The following SUSD4 variants were observed in gnomAD, a reference collection of about 807,000 sequenced individuals.
The protein encoded by SUSD4 is sushi domain containing 4.
In SUSD4, 41 loss-of-function variants were observed where a neutral mutation model predicts 50.5. The observed-to-expected ratio is 0.81, with a 90% CI of 0.63 to 1.05. SUSD4 has a LOEUF of 1.05. SUSD4 is among the 50% of genes least tolerant of loss of function. The pLI is 0.00. For synonymous variants in SUSD4, 257 were observed against 257.3 expected (o/e 1.00, Z 0.01); for missense variants, 580 against 634.7 (o/e 0.91, Z 0.93).
At chr1:223,298,113 G>T (rs538259373) in intron 2 of SUSD4, among the ~76,000 whole-genome samples, 1 of 151,700 alleles carries the variant, frequency 6.6e-6, no homozygotes, top group Non-Finnish European at 1.5e-5. Context: ...TGGATGCATC[G>T]CTAGATGGAT....
intron 2 of SUSD4, among the ~76,000 whole-genome samples, chr1:223,354,763 T>G (rs1247482929): frequency 6.6e-6 from 1 of 152,182 alleles, no homozygotes; most frequent in Non-Finnish European, 1.5e-5. Context: ...ACCTATTAAA[T>G]TTTTACAAAA....
rs377230158 is a variant in SUSD4, at chr1:223,295,035, G to A, written c.149-2384C>T. 2.0e-5 allele frequency among the ~76,000 whole-genome samples: 3 copies of A among 152,212 alleles called. No homozygotes were observed. The East Asian group carries it at 5.8e-4, about 29-fold the overall frequency. ...TGAAACATATATTTATGAATATCAT[G>A]AATATTGAAACATATATTCACGATG... On this transcript the variant is annotated intron_variant, in intron 2 of 8. Transcript: ENST00000366878.
At chr1:223,245,752 G>A (rs1165568080) in intron 5 of SUSD4, among the ~76,000 whole-genome samples, 1 of 152,232 alleles carries the variant, frequency 6.6e-6, no homozygotes, top group Admixed American at 6.5e-5. Flanking sequence ...CCTGGACCAG[G>A]ACAGTGGCAG....
intron 2 of SUSD4, among the ~76,000 whole-genome samples, chr1:223,353,304 C>T (rs902661353): frequency 2.6e-5 from 4 of 152,192 alleles, no homozygotes; most frequent in African/African-American, 2.4e-5. Flanking sequence ...ATCCCTTACC[C>T]TCCCTTTGTA....
At chr1:223,337,746 C>G (rs1667538553) in intron 2 of SUSD4, among the ~76,000 whole-genome samples, 1 of 152,184 alleles carries the variant, frequency 6.6e-6, no homozygotes, top group South Asian at 2.1e-4. Flanking sequence ...CAGAGCCATC[C>G]CTCAGGGTGG....
At chr1:223,364,262 A>C (rs1476079813), upstream of SUSD4, 28 of 147,132 alleles carry the variant, frequency 1.9e-4, 1 homozygote, top group Non-Finnish European at 9.0e-5. This position sits in a 1 kb window ranked among gnomAD's most constrained non-coding sequence, Gnocchi z 4.5. Context: ...GGAGGACGGG[A>C]GCCCGGCCGC....
intron 3 of SUSD4, among the ~76,000 whole-genome samples, chr1:223,269,422 T>C (rs1440099809): frequency 6.6e-6 from 1 of 151,964 alleles, no homozygotes; most frequent in Admixed American, 6.6e-5. Context: ...GATAAGAAGA[T>C]CAAATAAAAT....
intron 3 of SUSD4, among the ~76,000 whole-genome samples, chr1:223,288,296 C>T (rs1205626309): frequency 6.6e-6 from 1 of 152,160 alleles, no homozygotes; most frequent in Admixed American, 6.6e-5. Flanking sequence ...ACCATGTATG[C>T]CGTACTTTGC....
At chr1:223,223,657 A>G in intron 7 of SUSD4, 26 bp from the exon 8 acceptor site, 4 of 1,569,338 alleles carry the variant, frequency 2.5e-6, no homozygotes, top group Non-Finnish European at 3.5e-6. Context: ...AAGTGCCAAC[A>G]TGTGAGAGCC....
rs548626241 is a variant in SUSD4 at position 223,280,218 on chromosome 1, T to C, written c.362-11543A>G. Among the ~76,000 whole-genome samples, 7 of 152,174 alleles carry C rather than the reference T, an allele frequency of 4.6e-5. No homozygotes were observed. In the South Asian group the frequency reaches 1.5e-3, roughly 32 times the overall value. The stretch of plus-strand genomic sequence containing the variant: ...ACCAGCTAACATCATAATGACAGGA[T>C]CAAATTCACACATAACAATATTAAC... On this transcript the variant is annotated intron_variant, in intron 3 of 8. Transcript: ENST00000366878.
At chr1:223,345,456 T>C (rs1667976971) in intron 2 of SUSD4, among the ~76,000 whole-genome samples, 5 of 151,988 alleles carry the variant, frequency 3.3e-5, no homozygotes. Context: ...CCTCTGATCA[T>C]GCGCTTATTA....
At chr1:223,327,453 A>C (rs1666939721) in intron 2 of SUSD4, among the ~76,000 whole-genome samples, 1 of 152,220 alleles carries the variant, frequency 6.6e-6, no homozygotes, top group Non-Finnish European at 1.5e-5. Flanking sequence ...TCCATGTAAC[A>C]AAAGATCCAC....
intron 2 of SUSD4, among the ~76,000 whole-genome samples, chr1:223,335,210 T>G (rs1338491677): frequency 6.6e-6 from 1 of 152,238 alleles, no homozygotes; most frequent in African/African-American, 2.4e-5. Flanking sequence ...TTTCATATAA[T>G]GACTTCTTTT....
chr1:223,311,809 A>T (rs1665893566), intron 2 of SUSD4, among the ~76,000 whole-genome samples: 1 of 152,226 alleles, frequency 6.6e-6, no homozygotes, highest in African/African-American at 2.4e-5. Context: ...AAAACAAAAC[A>T]AAACAGAAAA....
intron 2 of SUSD4, among the ~76,000 whole-genome samples, chr1:223,303,822 C>G (rs1024021456): frequency 4.6e-5 from 7 of 152,190 alleles, no homozygotes; most frequent in African/African-American, 1.7e-4. Context: ...AACATAACAT[C>G]TGTATGCAGT....
intron 2 of SUSD4, among the ~76,000 whole-genome samples, chr1:223,296,026 C>T (rs1174184470): frequency 6.7e-6 from 1 of 149,252 alleles, no homozygotes; most frequent in Admixed American, 6.7e-5. Context: ...GCACCTTTAT[C>T]AAAGGACAGA....
chr1:223,226,623 A>C, intron 7 of SUSD4, among the ~76,000 whole-genome samples: 1 of 152,238 alleles, frequency 6.6e-6, no homozygotes, highest in East Asian at 1.9e-4. Flanking sequence ...GAAGTGGTTA[A>C]TTCCAGGAGC....
At chr1:223,338,324 C>A (rs61838236) in intron 2 of SUSD4, among the ~76,000 whole-genome samples, 50,477 of 151,952 alleles carry the variant, frequency 0.33, 8,476 homozygotes, top group African/African-American at 0.4. Flanking sequence ...CATCAGATCC[C>A]CCAGGGCTGC....
chr1:223,243,997 C>G (rs866701789), intron 5 of SUSD4, among the ~76,000 whole-genome samples: 1 of 152,174 alleles, frequency 6.6e-6, no homozygotes, highest in African/African-American at 2.4e-5. Flanking sequence ...TTTGGACAAC[C>G]ACTGATACTA....
Sources: gnomAD v4.1 joint callset for allele counts (sites outside exome capture counted in the v4.1 genomes callset) on GRCh38, gnomAD v4.1.1 for gene constraint, Gnocchi (gnomAD v3.1) non-coding constraint, MANE v1.5 for transcripts, NCBI Gene and HGNC (gene_info 2026-07-23, HGNC 2026-07-21) for gene names.